TBC1D1: variants seen among roughly 807,000 people sequenced by gnomAD.
TBC1D1 encodes TBC1 domain family member 1.
In TBC1D1, 89 loss-of-function variants were observed where a neutral mutation model predicts 125.6. The ratio of observed to expected loss-of-function variants is 0.71; its 90% CI spans 0.60 to 0.85. The LOEUF is 0.85. TBC1D1 is among the 40% of genes least tolerant of loss of function. The probability of loss-of-function intolerance (pLI) is 0.00; values close to 1 mark genes in which losing one functional copy is unlikely to be tolerated. For missense variants in TBC1D1, 1,377 were observed against 1,469.2 expected (o/e 0.94, Z 1.03); for synonymous variants, 565 against 564.1 (o/e 1.00, Z -0.02).
At chr4:38,052,716 G>A (rs1380109803) in intron 11 of TBC1D1, among the ~76,000 whole-genome samples, 21 of 58,914 alleles carry the variant, frequency 3.6e-4, no homozygotes, top group East Asian at 1.3e-3. Flanking sequence ...ACACACACGC[G>A]CGCGCGCGCG....
chr4:37,972,481 C>CAAA (rs74577993), intron 2 of TBC1D1, among the ~76,000 whole-genome samples: 11 of 98,034 alleles, frequency 1.1e-4, no homozygotes, highest in South Asian at 3.4e-4. Context: ...AACGCCGTTT[C>CAAA]AAAAAAAAAA....
intron 2 of TBC1D1, among the ~76,000 whole-genome samples, chr4:37,979,645 C>A (rs1192245493): frequency 6.6e-6 from 1 of 152,250 alleles, no homozygotes; most frequent in Non-Finnish European, 1.5e-5. Flanking sequence ...CAAACACCTG[C>A]ACATCCAGTT....
intron 1 of TBC1D1, among the ~76,000 whole-genome samples, chr4:37,891,561 C>T (rs1479473137): frequency 1.6e-5 from 2 of 127,388 alleles, no homozygotes; most frequent in African/African-American, 5.8e-5. Context: ...CGCCCTTGGA[C>T]GAAAGCGAAA....
chr4:38,104,523 T>C (rs186861120), intron 15 of TBC1D1, among the ~76,000 whole-genome samples: 13 of 152,314 alleles, frequency 8.5e-5, no homozygotes, highest in Non-Finnish European at 1.6e-4. Flanking sequence ...CTGCTGCTTT[T>C]AGAGCATGTG....
intron 2 of TBC1D1, among the ~76,000 whole-genome samples, chr4:37,920,094 A>C (rs1019036356): frequency 3.3e-5 from 5 of 152,192 alleles, no homozygotes; most frequent in African/African-American, 1.2e-4. Flanking sequence ...GCCTGTGCCA[A>C]AGAGTGAGAC....
chr4:38,090,185 C>T, intron 13 of TBC1D1, 68 bp downstream of exon 15: 1 of 1,449,228 alleles, frequency 6.9e-7, no homozygotes, highest in Non-Finnish European at 9.6e-7. Context: ...TCACATCAGA[C>T]ATAAGCATGC....
At position 38,056,477 on chromosome 4, in the gene TBC1D1, A is replaced by G. The variant is rs138436569; in HGVS notation, c.2050+2139A>G. On this transcript the variant is annotated intron_variant, in intron 12 of 19. Transcript: ENST00000261439. ...CTCAAACATTCTTGGCTCTTATTCT[A>G]TCTTGTCCTTTGGGATATGAACCAT... 1.6e-3 allele frequency among the ~76,000 whole-genome samples: 247 copies of G among 152,276 alleles called. 1 individual carries two copies. Among genetic ancestry groups the G allele is most frequent in the Non-Finnish European group, 3.0e-3 (205 of 68,014 alleles).
At chr4:37,906,489 A>G (rs1482634021) in intron 2 of TBC1D1, among the ~76,000 whole-genome samples, 1 of 152,130 alleles carries the variant, frequency 6.6e-6, no homozygotes, top group Admixed American at 6.5e-5. Context: ...TAAGCTGCTG[A>G]TTTCTTTGGA....
At chr4:38,105,052 G>C (rs1362475653) in intron 15 of TBC1D1, among the ~76,000 whole-genome samples, 1 of 152,080 alleles carries the variant, frequency 6.6e-6, no homozygotes, top group Non-Finnish European at 1.5e-5. Context: ...ACCACACCCG[G>C]CCCCACTTAA....
intron 2 of TBC1D1, among the ~76,000 whole-genome samples, chr4:37,979,668 T>C (rs1005928754): frequency 9.9e-5 from 15 of 152,244 alleles, no homozygotes; most frequent in African/African-American, 3.4e-4. Flanking sequence ...GCAGCTGACT[T>C]TCCTTTTCCT....
At chr4:37,951,695 T>C (rs144847923) in intron 2 of TBC1D1, among the ~76,000 whole-genome samples, 34 of 152,294 alleles carry the variant, frequency 2.2e-4, no homozygotes, top group African/African-American at 7.9e-4. Flanking sequence ...GGACTTTCGA[T>C]ATTTGAAAAG....
chr4:38,114,644 C>T (rs1248719504), intron 15 of TBC1D1, among the ~76,000 whole-genome samples: 4 of 152,194 alleles, frequency 2.6e-5, no homozygotes, highest in East Asian at 1.9e-4. Flanking sequence ...GCACTCCCAT[C>T]AGTCACATTC....
intron 3 of TBC1D1, among the ~76,000 whole-genome samples, chr4:38,015,464 C>CT (rs545314565): frequency 0.038 from 5,443 of 141,462 alleles, 129 homozygotes; most frequent in South Asian, 0.083. Context: ...GGCTTGCTTG[C>CT]TTTTTTTTTT....
In TBC1D1 at chr4:37,902,238, G is replaced by A. The variant is rs760635855; in HGVS notation, c.143G>A (p.Arg48Gln). 27 of 1,613,928 alleles carry A rather than the reference G, an allele frequency of 1.7e-5. No homozygotes were observed. Among genetic ancestry groups the A allele is most frequent in the South Asian group, 1.2e-4 (11 of 91,074 alleles). Reference sequence around the variant, plus strand: ...CTGCCCTGGGTTGTGGCTGAGGTGCGAAGACTCAGCAGGCAGTCCACCAGA... The same window carrying A: ...CTGCCCTGGGTTGTGGCTGAGGTGCAAAGACTCAGCAGGCAGTCCACCAGA... Residue 48 changes from arginine to glutamine, a missense_variant, in exon 2 of 20, where the codon CGA becomes CAA. By Grantham distance (43) the Arg-to-Gln change is conservative. This residue lies in a region of TBC1D1 where 822 missense variants were observed against 824.6 expected (regional missense o/e 1.00). Coordinates refer to ENST00000261439, the MANE Select transcript of TBC1D1 (RefSeq NM_015173.4).
intron 15 of TBC1D1, among the ~76,000 whole-genome samples, chr4:38,115,411 C>G (rs998559667): frequency 1.3e-5 from 2 of 152,178 alleles, no homozygotes; most frequent in Non-Finnish European, 2.9e-5. Context: ...CAACAGTTTT[C>G]TTTTTTCGAT....
chr4:38,017,371 T>C (rs1318179852), intron 3 of TBC1D1, among the ~76,000 whole-genome samples: 1 of 152,210 alleles, frequency 6.6e-6, no homozygotes, highest in Non-Finnish European at 1.5e-5. Flanking sequence ...GAATTAGTTT[T>C]TCATCATCCT....
intron 2 of TBC1D1, among the ~76,000 whole-genome samples, chr4:37,928,868 A>G (rs1722692178): frequency 1.3e-5 from 2 of 152,256 alleles, no homozygotes; most frequent in Non-Finnish European, 2.9e-5. Context: ...ATTACATTTT[A>G]GACGAGTAAT....
chr4:37,919,114 A>C (rs1720365883), intron 2 of TBC1D1, among the ~76,000 whole-genome samples: 1 of 151,248 alleles, frequency 6.6e-6, no homozygotes, highest in South Asian at 2.1e-4. Context: ...GGAAATGTAC[A>C]GTTTGAAAAT....
At chr4:37,952,312 G>T in intron 2 of TBC1D1, 2 of 518,840 alleles carry the variant, frequency 3.9e-6, no homozygotes, top group Non-Finnish European at 7.0e-6. Context: ...CTTGGGGAAA[G>T]GGCTGATAAT....
Sources: gnomAD v4.1 joint callset for allele counts (sites outside exome capture counted in the v4.1 genomes callset) on GRCh38, gnomAD v4.1.1 for gene constraint, gnomAD v4.1.1 regional missense constraint, MANE v1.5 for transcripts, NCBI Gene and HGNC (gene_info 2026-07-23, HGNC 2026-07-21) for gene names.